Variants in H6PD observed in about 807,000 individuals in gnomAD.
The protein encoded by H6PD is GDH/6PGL endoplasmic bifunctional protein.
Under a neutral mutation model 61.2 loss-of-function variants are expected in H6PD, and 48 were observed. The observed-to-expected ratio is 0.78, with a 90% confidence interval of 0.62 to 1.00. The LOEUF (loss-of-function observed/expected upper bound fraction) is 1.00, where lower values mean the gene tolerates loss of function less well. Among genes scored for constraint, H6PD ranks in the 50% least tolerant of loss-of-function variants. The probability of loss-of-function intolerance (pLI) is 0.00; values close to 1 mark genes in which losing one functional copy is unlikely to be tolerated. For missense variants in H6PD, 1,093 were observed against 1,065.0 expected, an observed-to-expected ratio of 1.03 and a Z score of -0.37; for synonymous variants, 480 against 457.9, an observed-to-expected ratio of 1.05 and a Z score of -0.62.
chr1:9,252,077 A>G (rs1162335416), intron 3 of H6PD, among the ~76,000 whole-genome samples: 1 of 152,146 alleles, frequency 6.6e-6, no homozygotes, highest in East Asian at 1.9e-4. Context: ...GAAATACGTT[A>G]CAAATGGAAG....
intron 1 of H6PD, among the ~76,000 whole-genome samples, chr1:9,244,566 T>C (rs1246331835): frequency 6.6e-6 from 1 of 152,216 alleles, no homozygotes; most frequent in Non-Finnish European, 1.5e-5. Context: ...TGACCTGTGC[T>C]CCTAGAAGAG....
At position 9,262,182 on chromosome 1, in the gene H6PD, T is replaced by A. The variant is rs1044876149; in HGVS notation, c.869T>A (p.Leu290Gln). The change falls in exon 4 of 5, where the codon CTG becomes CAG. Residue 290 changes from leucine to glutamine, a missense_variant. Transcript: ENST00000377403. Reference sequence around the variant, plus strand: ...AATGTCAGCAGTGCGGAGGCTGTGCTGCGGCACAAGCTTCAGGTCTTCCAG... The same window carrying A: ...AATGTCAGCAGTGCGGAGGCTGTGCAGCGGCACAAGCTTCAGGTCTTCCAG... The part of the protein sequence containing the change: ...PHNVSSAEAV[L>Q]RHKLQVFQAL... 6.2e-7 allele frequency: 1 copy of A among 1,614,226 alleles called. No homozygotes were observed. The highest frequency in any genetic ancestry group is 2.2e-5 in the East Asian group (1 of 44,884).
intron 1 of H6PD, among the ~76,000 whole-genome samples, chr1:9,240,543 C>G (rs1298712814): frequency 6.6e-6 from 1 of 152,190 alleles, no homozygotes; most frequent in Non-Finnish European, 1.5e-5. Context: ...GGCTAAATGA[C>G]TTGTTTAAGG....
At position 9,245,011 on chromosome 1, in the gene H6PD, T is replaced by G. The variant is rs1369751665; in HGVS notation, c.77T>G (p.Val26Gly). The G allele has an allele frequency of 6.2e-7, 1 of 1,614,162 alleles. No individual in the cohort carries two copies. ...CAAGCCCAGGAGCTCCAGGGACATG[T>G]CTCCATAATCCTGCTGGGAGCAACT... ...CLQAQELQGH[V>G]SIILLGATGD... The change falls in exon 2 of 5, where the codon GTC (valine) becomes GGC (glycine). Residue 26 changes from valine to glycine, a missense_variant. Transcript: ENST00000377403. This position sits in a 1 kb window ranked among gnomAD's most constrained non-coding sequence, Gnocchi z 4.8.
chr1:9,237,325 T>G (rs1397458784), intron 1 of H6PD, among the ~76,000 whole-genome samples: 1 of 141,604 alleles, frequency 7.1e-6, no homozygotes, highest in Non-Finnish European at 1.5e-5. Flanking sequence ...GTTCGCCTCC[T>G]AGGTTCAAGT....
At chr1:9,249,254 T>G (rs762873834) in intron 3 of H6PD, among the ~76,000 whole-genome samples, 2 of 152,170 alleles carry the variant, frequency 1.3e-5, no homozygotes, top group Non-Finnish European at 1.5e-5. Context: ...TGGTGTCATT[T>G]GTGGGTTGTT....
In H6PD at chr1:9,270,903, T is replaced by G. The variant is rs920829285; in HGVS notation, c.*6034T>G. ...GGTTTTTGTGGAAACAATGGAAACT[T>G]ACAGATGCCTGCCTGGGATGATGAG... On this transcript the variant is annotated 3_prime_UTR_variant, in exon 5 of 5. Coordinates refer to ENST00000377403, the MANE Select transcript of H6PD (RefSeq NM_004285.4). 6.6e-6 allele frequency: 1 copy of G among 151,906 alleles called. No individual in the cohort carries two copies. The highest frequency in any genetic ancestry group is 1.9e-4 in the East Asian group (1 of 5,198). 9.4% of individuals were successfully genotyped at this position (151,906 alleles called of 1,614,324 possible). A position where few individuals can be genotyped will look rare whatever the true frequency, so the allele number is the denominator to read the frequency against.
chr1:9,240,925 C>A (rs577379025), intron 1 of H6PD, among the ~76,000 whole-genome samples: 2 of 152,302 alleles, frequency 1.3e-5, no homozygotes, highest in South Asian at 2.1e-4. Flanking sequence ...GCTCCAGAGG[C>A]TGGGGTCCCC....
In H6PD at chr1:9,245,055, T is replaced by G. The variant is rs1641119871; in HGVS notation, c.121T>G (p.Tyr41Asp). ...LGATGDLAKK[Y>D]LWQGLFQLYL... The stretch of plus-strand genomic sequence containing the variant: ...AGCAACTGGGGACCTGGCTAAGAAG[T>G]ACTTATGGCAGGGACTGTTCCAGCT... Residue 41 changes from tyrosine to aspartate, a missense_variant, in exon 2 of 5, where the codon TAC becomes GAC. Physicochemically the swap from Tyr to Asp is radical, Grantham distance 160 (BLOSUM62 -3). Transcript: ENST00000377403. The surrounding 1 kb of genome is among the most constrained non-coding windows in gnomAD (Gnocchi z 4.8). The G allele has an allele frequency of 1.2e-6, 2 of 1,614,184 alleles. No homozygotes were observed. Among genetic ancestry groups the G allele is most frequent in the South Asian group, 2.2e-5 (2 of 91,082 alleles).
chr1:9,261,528 G>A (rs1313657968), intron 3 of H6PD, among the ~76,000 whole-genome samples: 3 of 152,118 alleles, frequency 2.0e-5, no homozygotes, highest in Non-Finnish European at 4.4e-5. Context: ...CCACTCCCCT[G>A]CACATTGCCT....
In H6PD at chr1:9,268,950, A is replaced by G. The variant is rs1209686378; in HGVS notation, c.*4081A>G. 1 of 152,118 alleles carries G rather than the reference A, an allele frequency of 6.6e-6. No homozygotes were observed. The allele number at this position is 152,118 out of a possible 1,614,324, so 9.4% of individuals were successfully genotyped here. Reference sequence around the variant, plus strand: ...TACAAAACTTTTTGTCCTGTAAGATATATGCAGCCTCACAGAAGCAGCCTC... The same window carrying G: ...TACAAAACTTTTTGTCCTGTAAGATGTATGCAGCCTCACAGAAGCAGCCTC... On this transcript the variant is annotated 3_prime_UTR_variant, in exon 5 of 5. Transcript: ENST00000377403.
At position 9,244,968 on chromosome 1, in the gene H6PD, G is replaced by A. The variant is rs761439328; in HGVS notation, c.34G>A (p.Ala12Thr). The change falls in exon 2 of 5, where the codon GCC becomes ACC. Residue 12 changes from alanine (A) to threonine (T), a missense_variant. Ala to Thr is a moderately conservative substitution (Grantham distance 58). Coordinates refer to ENST00000377403, the MANE Select transcript of H6PD (RefSeq NM_004285.4). ...WNMLIVAMCLALLGCLQAQEL... is the reference protein window; with the variant it reads ...WNMLIVAMCLTLLGCLQAQEL... The stretch of plus-strand genomic sequence containing the variant: ...TATGCTCATAGTGGCGATGTGCTTG[G>A]CCCTTCTGGGCTGCCTGCAAGCCCA... The A allele has an allele frequency of 1.2e-6, 2 of 1,614,120 alleles. No homozygotes were observed. Among genetic ancestry groups the A allele is most frequent in the Middle Eastern group, 1.7e-4 (1 of 6,060 alleles).
rs1483600202 is a variant in H6PD, at chr1:9,263,438, G to A, written c.1016-71G>A. ...GGGGACGCCCAGAGGAGCCGGCAAGGAGAGGAGAGGGCTGGCCGGAGAGTC... is the reference window on the plus strand; with the variant it reads ...GGGGACGCCCAGAGGAGCCGGCAAGAAGAGGAGAGGGCTGGCCGGAGAGTC... On this transcript the variant is annotated intron_variant, in intron 4 of 4. Transcript: ENST00000377403. 21 of 1,477,374 alleles carry A rather than the reference G, an allele frequency of 1.4e-5. No individual in the cohort carries two copies. The South Asian group carries it at 2.3e-4, about 16-fold the overall frequency. 91.5% of individuals were successfully genotyped at this position (1,477,374 alleles called of 1,614,324 possible).
chr1:9,248,620 G>T (rs1641260001), intron 3 of H6PD, among the ~76,000 whole-genome samples: 1 of 139,368 alleles, frequency 7.2e-6, no homozygotes, highest in African/African-American at 2.6e-5. Flanking sequence ...AGCATAGTGA[G>T]CCTCCGTCTC....
intron 1 of H6PD, among the ~76,000 whole-genome samples, chr1:9,238,179 A>G (rs940935786): frequency 2.0e-5 from 3 of 152,164 alleles, no homozygotes; most frequent in Non-Finnish European, 4.4e-5. Flanking sequence ...GGTGGGGGAC[A>G]TGGGGGAGTT....
chr1:9,267,692 T>A lies in H6PD; in HGVS notation c.*2823T>A, dbSNP rs1405778904. The A allele has an allele frequency of 6.6e-6, 1 of 152,228 alleles. No homozygotes were observed. Among genetic ancestry groups the A allele is most frequent in the Admixed American group, 6.5e-5 (1 of 15,278 alleles). The allele number at this position is 152,228 out of a possible 1,614,324, so 9.4% of individuals were successfully genotyped here. A position where few individuals can be genotyped will look rare whatever the true frequency, so the allele number is the denominator to read the frequency against. ...AAATCATGTTGGAAAAGTCCAAACC[T>A]GGAGATGTCCCTGTGCCTCCGCCCC... On this transcript the variant is annotated 3_prime_UTR_variant, in exon 5 of 5. Transcript: ENST00000377403.
intron 1 of H6PD, among the ~76,000 whole-genome samples, chr1:9,241,054 T>G (rs1436689873): frequency 6.6e-6 from 1 of 152,052 alleles, no homozygotes; most frequent in Non-Finnish European, 1.5e-5. Context: ...TCGGGAGTGT[T>G]GAGTTAGGAA....
chr1:9,261,308 T>C (rs144363861), intron 3 of H6PD, among the ~76,000 whole-genome samples: 112 of 152,260 alleles, frequency 7.4e-4, no homozygotes, highest in African/African-American at 2.7e-3. Context: ...CCCCACTCTT[T>C]GCTCACCTCC....
Position 9,264,232 on chromosome 1 carries a change from G to A in H6PD, c.1739G>A (p.Arg580Gln), listed in dbSNP as rs752491509. ...DIEATAVRAV[R>Q]RFGQFHLALS... ...GAGGCCACCGCTGTGCGAGCCGTGCGGCGCTTTGGCCAGTTCCACCTGGCA... is the reference window on the plus strand; with the variant it reads ...GAGGCCACCGCTGTGCGAGCCGTGCAGCGCTTTGGCCAGTTCCACCTGGCA... Residue 580 changes from arginine (R) to glutamine (Q), a missense_variant, in exon 5 of 5, where the codon CGG becomes CAG. By Grantham distance (43) the Arg-to-Gln change is conservative. Coordinates refer to ENST00000377403, the MANE Select transcript of H6PD (RefSeq NM_004285.4). 49 of 1,610,454 alleles carry A rather than the reference G, an allele frequency of 3.0e-5. No individual in the cohort carries two copies. The highest frequency in any genetic ancestry group is 2.5e-4 in the East Asian group (11 of 44,786).
Sources: gnomAD v4.1 joint callset for allele counts (sites outside exome capture counted in the v4.1 genomes callset) on GRCh38, gnomAD v4.1.1 for gene constraint, Gnocchi (gnomAD v3.1) non-coding constraint, MANE v1.5 for transcripts, NCBI Gene and HGNC (gene_info 2026-07-23, HGNC 2026-07-21) for gene names.